Variants in DOCK2 observed in about 807,000 individuals in gnomAD.
DOCK2 encodes the protein dedicator of cytokinesis protein 2.
DOCK2 carries 87 observed loss-of-function variants against 248.9 expected under a neutral mutation model. That is an observed-to-expected ratio of 0.35 (90% CI 0.29 to 0.42). DOCK2 has a LOEUF of 0.42. Ranked by LOEUF, DOCK2 falls within the 10% of genes least tolerant of loss-of-function variation. The probability of loss-of-function intolerance (pLI) is 1.00; values close to 1 mark genes in which losing one functional copy is unlikely to be tolerated. For missense variants in DOCK2, 1,747 were observed against 2,300.2 expected (o/e 0.76, Z 4.92); for synonymous variants, 805 against 821.6 (o/e 0.98, Z 0.35).
intron 32 of DOCK2, among the ~76,000 whole-genome samples, chr5:170,013,935 A>AT (rs1755408179): frequency 1.3e-5 from 2 of 152,188 alleles, no homozygotes; most frequent in Admixed American, 6.5e-5. Flanking sequence ...GCATTATTTA[A>AT]TGACAGTTGC....
rs1561913832 is a variant in DOCK2 at position 170,082,872 on chromosome 5, AGGGCTGCAT to A, written c.*18_*26del. ...ACGGACCTGTGAGCTGCTGCTGACT[AGGGCTGCAT>A]GGGAGAGCCAGGGAGGGGAGTTTCT... On this transcript the variant is annotated 3_prime_UTR_variant, in exon 52 of 52. Transcript: ENST00000520908. 6.2e-7 allele frequency: 1 copy of A among 1,614,206 alleles called. No individual in the cohort carries two copies. The highest frequency in any genetic ancestry group is 2.2e-5 in the East Asian group (1 of 44,886).
At chr5:169,705,126 C>G (rs546375520) in intron 14 of DOCK2, among the ~76,000 whole-genome samples, 1 of 150,402 alleles carries the variant, frequency 6.6e-6, no homozygotes, top group Admixed American at 6.6e-5. Context: ...CGCACCCCAG[C>G]CACTCCAGCC....
In DOCK2 at chr5:169,673,525, T is replaced by TAA. The variant is rs1013195625; in HGVS notation, c.322-764_322-763dup. ...TGAAAACAAGATAACATTATTTTTA[T>TAA]AAAAAAAAATTTAGAGACAGGGTCT... On this transcript the variant is annotated intron_variant, in intron 5 of 51. Transcript: ENST00000520908. Among the ~76,000 whole-genome samples the TAA allele has an allele frequency of 2.6e-5, 4 of 151,814 alleles. No individual in the cohort carries two copies. The South Asian group carries it at 8.3e-4, about 32-fold the overall frequency.
intron 27 of DOCK2, among the ~76,000 whole-genome samples, chr5:169,931,847 C>G (rs577327141): frequency 1.3e-5 from 2 of 152,342 alleles, no homozygotes; most frequent in South Asian, 4.1e-4. Context: ...TCATAGCCTT[C>G]TGAACTGCTT....
At chr5:169,730,144 A>T (rs1053759761) in intron 22 of DOCK2, among the ~76,000 whole-genome samples, 6 of 151,956 alleles carry the variant, frequency 3.9e-5, no homozygotes, top group Admixed American at 6.6e-5. Context: ...TTTAGTAGAG[A>T]TGGGGTTTTG....
At chr5:169,850,006 G>A (rs1770537248) in intron 27 of DOCK2, among the ~76,000 whole-genome samples, 1 of 152,192 alleles carries the variant, frequency 6.6e-6, no homozygotes, top group Non-Finnish European at 1.5e-5. Flanking sequence ...ATATGCAAGT[G>A]TTATTACTGT....
intron 45 of DOCK2, 26 bp from the exon 46 acceptor site, chr5:170,069,111 C>G (rs777893947): frequency 1.2e-6 from 2 of 1,607,388 alleles, no homozygotes; most frequent in Non-Finnish European, 1.7e-6. Flanking sequence ...AACAGGAAAC[C>G]CTGACCTCCT....
At chr5:169,700,166 C>A in intron 13 of DOCK2, 27 bp downstream of exon 13, 1 of 1,608,510 alleles carries the variant, frequency 6.2e-7, no homozygotes, top group Admixed American at 1.7e-5. Flanking sequence ...CTGACCTTCC[C>A]CTGGGGACAT....
chr5:169,720,936 A>G (rs1403072879), intron 22 of DOCK2, among the ~76,000 whole-genome samples: 1 of 152,078 alleles, frequency 6.6e-6, no homozygotes, highest in African/African-American at 2.4e-5. Flanking sequence ...GTTGGCCAGG[A>G]TGGTCTTGAT....
At chr5:169,640,189 T>C (rs955297782) in intron 1 of DOCK2, among the ~76,000 whole-genome samples, 1 of 152,382 alleles carries the variant, frequency 6.6e-6, no homozygotes, top group East Asian at 1.9e-4. Context: ...GAGACACTGA[T>C]GACTGGGACT....
chr5:170,035,396 CT>C (rs966421516), intron 35 of DOCK2, among the ~76,000 whole-genome samples: 13 of 151,786 alleles, frequency 8.6e-5, no homozygotes, highest in Middle Eastern at 3.4e-3. Context: ...CCTAAATAGA[CT>C]TTTTTTTTCA....
At chr5:169,861,374 C>G (rs2291229) in intron 27 of DOCK2, among the ~76,000 whole-genome samples, 15,664 of 152,142 alleles carry the variant, frequency 0.1, 920 homozygotes, top group African/African-American at 0.15. Flanking sequence ...ATTTACAAAA[C>G]CTTACATCAG....
chr5:170,057,437 G>A, intron 43 of DOCK2, 143 bp from the exon 44 acceptor site: 1 of 723,576 alleles, frequency 1.4e-6, no homozygotes, highest in African/African-American at 1.7e-5. Context: ...GCGTGTTTCT[G>A]GGTCTTGCAA....
chr5:169,809,104 C>A (rs1313121019), intron 26 of DOCK2, among the ~76,000 whole-genome samples: 1 of 152,064 alleles, frequency 6.6e-6, no homozygotes, highest in African/African-American at 2.4e-5. Context: ...AATTCTTGTG[C>A]CTCAGCTGGC....
chr5:169,926,469 T>G (rs1050135886), intron 27 of DOCK2, among the ~76,000 whole-genome samples: 4 of 152,222 alleles, frequency 2.6e-5, no homozygotes, highest in Non-Finnish European at 4.4e-5. Context: ...GCATTGATCT[T>G]CTGTGAGCTC....
intron 27 of DOCK2, among the ~76,000 whole-genome samples, chr5:169,862,727 T>C (rs767114035): frequency 6.6e-6 from 1 of 152,220 alleles, no homozygotes; most frequent in Non-Finnish European, 1.5e-5. Flanking sequence ...AATTTCCCTT[T>C]CATTCTCACT....
At chr5:169,755,238 C>T (rs1240525734) in intron 23 of DOCK2, among the ~76,000 whole-genome samples, 3 of 151,912 alleles carry the variant, frequency 2.0e-5, no homozygotes, top group Non-Finnish European at 4.4e-5. Flanking sequence ...GCAACCATGC[C>T]CAGCCATGAT....
At chr5:169,666,953 T>C (rs1322680256) in intron 2 of DOCK2, among the ~76,000 whole-genome samples, 4 of 152,144 alleles carry the variant, frequency 2.6e-5, no homozygotes, top group Admixed American at 1.3e-4. Flanking sequence ...ATATTGGGTG[T>C]AAGTGTCAGC....
intron 23 of DOCK2, among the ~76,000 whole-genome samples, chr5:169,757,279 G>A (rs1421245216): frequency 1.3e-5 from 2 of 152,010 alleles, no homozygotes; most frequent in Non-Finnish European, 2.9e-5. Context: ...TGACCAACTA[G>A]GTTGGAATGT....
Sources: allele counts gnomAD v4.1 joint callset (sites outside exome capture counted in the v4.1 genomes callset), GRCh38; gene constraint gnomAD v4.1.1; transcripts MANE v1.5; gene names NCBI Gene and HGNC (gene_info 2026-07-23, HGNC 2026-07-21).